The following SHISA6 variants were observed in gnomAD, a reference collection of about 807,000 sequenced individuals.
The protein encoded by SHISA6 is shisa family member 6, also known as protein shisa-6.
A neutral mutation model predicts 47.9 loss-of-function variants in SHISA6; 22 were observed. The ratio of observed to expected loss-of-function variants is 0.46; its 90% CI spans 0.33 to 0.66. The LOEUF (loss-of-function observed/expected upper bound fraction) is 0.66. SHISA6 is among the 30% of genes least tolerant of loss of function. SHISA6 has a pLI of 0.02. For synonymous variants in SHISA6, 388 were observed against 337.8 expected, an observed-to-expected ratio of 1.15 and a Z score of -1.63; for missense variants, 680 against 764.6, an observed-to-expected ratio of 0.89 and a Z score of 1.30.
intron 1 of SHISA6, among the ~76,000 whole-genome samples, chr17:11,261,199 C>T (rs1177306943): frequency 2.0e-5 from 3 of 152,132 alleles, no homozygotes; most frequent in African/African-American, 7.2e-5. Context: ...ATGAGGGCTT[C>T]CTTCCTAGTT....
chr17:11,263,100 G>C (rs1195380771), intron 1 of SHISA6, among the ~76,000 whole-genome samples: 1 of 152,144 alleles, frequency 6.6e-6, no homozygotes, highest in Non-Finnish European at 1.5e-5. Context: ...TATTTTGAAA[G>C]GGCTCAGAGT....
chr17:11,535,120 G>A (rs971011004), intron 3 of SHISA6, among the ~76,000 whole-genome samples: 4 of 152,098 alleles, frequency 2.6e-5, no homozygotes, highest in Admixed American at 6.6e-5. Context: ...GCAACAAAGC[G>A]AGACTCCATC....
At chr17:11,270,226 C>T (rs934116413) in intron 2 of SHISA6, among the ~76,000 whole-genome samples, 3 of 152,134 alleles carry the variant, frequency 2.0e-5, no homozygotes, top group African/African-American at 4.8e-5. Context: ...TGCTCGCCTT[C>T]GCCTCCCAAA....
rs75925333 is a variant in SHISA6 at position 11,356,653 on chromosome 17, C to T, written c.800-22761C>T. ...GGGTGGAGGACCACTGTGGGTGAGC[C>T]GCCAACAGGACAGCATCTCTCCTGT... On this transcript the variant is annotated intron_variant, in intron 2 of 5. Coordinates refer to ENST00000441885, the MANE Select transcript of SHISA6 (RefSeq NM_207386.4). Among the ~76,000 whole-genome samples the T allele has an allele frequency of 3.3e-3, 503 of 152,162 alleles. 2 individuals are homozygous for T. Among genetic ancestry groups the T allele is most frequent in the African/African-American group, 8.9e-3 (370 of 41,512 alleles).
chr17:11,278,418 C>G (rs1296620281), intron 2 of SHISA6, among the ~76,000 whole-genome samples: 1 of 152,222 alleles, frequency 6.6e-6, no homozygotes, highest in East Asian at 1.9e-4. Context: ...CTCAGGAGCT[C>G]TGGACTCTCC....
At chr17:11,473,894 G>T (rs548735673) in intron 3 of SHISA6, among the ~76,000 whole-genome samples, 12 of 152,064 alleles carry the variant, frequency 7.9e-5, no homozygotes, top group African/African-American at 2.9e-4. Context: ...TTGTCCTAAT[G>T]CTCTCCATCC....
intron 2 of SHISA6, among the ~76,000 whole-genome samples, chr17:11,364,136 A>G (rs982161104): frequency 1.3e-5 from 2 of 151,770 alleles, no homozygotes; most frequent in Non-Finnish European, 2.9e-5. Context: ...TAAAATACAT[A>G]AAGTGTATTA....
At chr17:11,279,229 G>C (rs1909037361) in intron 2 of SHISA6, among the ~76,000 whole-genome samples, 1 of 152,180 alleles carries the variant, frequency 6.6e-6, no homozygotes, top group Admixed American at 6.5e-5. Flanking sequence ...TGTCATCGTA[G>C]AAAGAGAGGG....
intron 2 of SHISA6, among the ~76,000 whole-genome samples, chr17:11,372,011 T>A (rs923591274): frequency 2.2e-4 from 33 of 152,164 alleles, no homozygotes; most frequent in African/African-American, 8.0e-4. Context: ...TATGTTTTCT[T>A]TTTATTGTTA....
intron 1 of SHISA6, among the ~76,000 whole-genome samples, chr17:11,262,083 GAGTT>G (rs1408485386): frequency 6.6e-6 from 1 of 152,172 alleles, no homozygotes; most frequent in East Asian, 1.9e-4. Context: ...AATCCATTTT[GAGTT>G]AGTTTTTTAT....
chr17:11,264,997 T>C (rs1416834500), intron 2 of SHISA6, among the ~76,000 whole-genome samples: 1 of 152,216 alleles, frequency 6.6e-6, no homozygotes, highest in Non-Finnish European at 1.5e-5. Context: ...GGCTCCACCT[T>C]TGCAAAATGT....
intron 3 of SHISA6, among the ~76,000 whole-genome samples, chr17:11,517,695 G>A (rs907596783): frequency 6.6e-6 from 1 of 151,974 alleles, no homozygotes; most frequent in Non-Finnish European, 1.5e-5. Context: ...TAGAGACGGG[G>A]GTCTTGCTGT....
intron 3 of SHISA6, chr17:11,379,843 G>A (rs1029163811): frequency 7.6e-6 from 2 of 261,680 alleles, no homozygotes; most frequent in Non-Finnish European, 7.3e-6. Context: ...GTGTGTGTTC[G>A]CCTCTTGGCT....
At chr17:11,345,163 A>G (rs1439301101) in intron 2 of SHISA6, among the ~76,000 whole-genome samples, 1 of 152,146 alleles carries the variant, frequency 6.6e-6, no homozygotes, top group East Asian at 1.9e-4. Flanking sequence ...TGAATGTTGT[A>G]TATACCACAT....
At chr17:11,485,633 A>T (rs1916328317) in intron 3 of SHISA6, among the ~76,000 whole-genome samples, 1 of 152,034 alleles carries the variant, frequency 6.6e-6, no homozygotes. Flanking sequence ...GTTTTCACAC[A>T]ATTGTTACAA....
chr17:11,286,072 G>A (rs775620479), intron 2 of SHISA6, among the ~76,000 whole-genome samples: 3 of 151,998 alleles, frequency 2.0e-5, no homozygotes, highest in South Asian at 4.2e-4. Context: ...TCCTGAACTC[G>A]TAGGTGAGAC....
intron 2 of SHISA6, among the ~76,000 whole-genome samples, chr17:11,303,876 T>C (rs1396131248): frequency 1.3e-5 from 2 of 151,978 alleles, no homozygotes; most frequent in Non-Finnish European, 2.9e-5. Flanking sequence ...TTTCCTCCAG[T>C]TGTGTTTCTA....
Position 11,350,743 on chromosome 17 carries a change from T to G in SHISA6, c.800-28671T>G, listed in dbSNP as rs549445989. ...CTAGTATATAAATCTGGTCATGCCATTCCCTCACTCAAAATTCCTTACTAG... is the reference window on the plus strand; with the variant it reads ...CTAGTATATAAATCTGGTCATGCCAGTCCCTCACTCAAAATTCCTTACTAG... On this transcript the variant is annotated intron_variant, in intron 2 of 5. Transcript: ENST00000441885. Among the ~76,000 whole-genome samples the G allele has an allele frequency of 1.7e-3, 266 of 152,286 alleles. 2 individuals are homozygous for G. The highest frequency in any genetic ancestry group is 3.2e-3 in the Non-Finnish European group (215 of 68,020).
At chr17:11,494,697 G>A (rs2071393857) in intron 3 of SHISA6, among the ~76,000 whole-genome samples, 1 of 152,164 alleles carries the variant, frequency 6.6e-6, no homozygotes, top group Non-Finnish European at 1.5e-5. Flanking sequence ...AGGCTGAGGA[G>A]TTTCTGCTTA....
Sources: allele counts gnomAD v4.1 joint callset (sites outside exome capture counted in the v4.1 genomes callset), GRCh38; gene constraint gnomAD v4.1.1; transcripts MANE v1.5; gene names NCBI Gene and HGNC (gene_info 2026-07-23, HGNC 2026-07-21).